Variants in LHX5 observed in about 807,000 individuals in gnomAD.
LHX5 encodes the protein LIM homeobox 5.
In LHX5, 5 loss-of-function variants were observed where a neutral mutation model predicts 30.6. The observed-to-expected ratio is 0.16, with a 90% CI of 0.09 to 0.34. LHX5 has a LOEUF of 0.34. Among genes scored for constraint, LHX5 ranks in the 10% least tolerant of loss-of-function variants. The pLI is 1.00. For missense variants in LHX5, 458 were observed against 570.6 expected, an observed-to-expected ratio of 0.80 and a Z score of 2.01; for synonymous variants, 266 against 252.6, an observed-to-expected ratio of 1.05 and a Z score of -0.50.
Position 113,471,591 on chromosome 12 carries a change from G to A in LHX5, c.-93C>T, listed in dbSNP as rs1958252408. 4.8e-6 allele frequency: 6 copies of A among 1,241,494 alleles called. No homozygotes were observed. The highest frequency in any genetic ancestry group is 1.5e-5 in the African/African-American group (1 of 65,986). The allele number at this position is 1,241,494 out of a possible 1,614,324, so 76.9% of individuals were successfully genotyped here. Reference sequence around the variant, plus strand: ...GGCCCTCCGCTGCCCTTCGCCTCTTGTCTCAGCAGCTGCAGGGCGAGTCTG... The same window carrying A: ...GGCCCTCCGCTGCCCTTCGCCTCTTATCTCAGCAGCTGCAGGGCGAGTCTG... On this transcript the variant is annotated 5_prime_UTR_variant, in exon 1 of 5. Coordinates refer to ENST00000261731, the MANE Select transcript of LHX5 (RefSeq NM_022363.3).
At position 113,463,436 on chromosome 12, in the gene LHX5, C is replaced by T. The variant is rs1275367832; in HGVS notation, c.963G>A (p.Thr321=). The change falls in exon 5 of 5, where the codon ACG becomes ACA. Residue 321 remains threonine (T), a synonymous_variant. Transcript: ENST00000261731. This position sits in a 1 kb window ranked among gnomAD's most constrained non-coding sequence, Gnocchi z 6.7. ...GCGGCGGTTCCAGCGCTCCCAGCGG[C>T]GTCGAGCCGGGGCCAGAGGCCGCCA... ...SFLAASGPGS[T]PLGALEPPLA... 3.2e-6 allele frequency: 5 copies of T among 1,553,950 alleles called. No homozygotes were observed. Among genetic ancestry groups the T allele is most frequent in the African/African-American group, 2.7e-5 (2 of 73,320 alleles).
In LHX5 at chr12:113,466,719, G is replaced by T. The variant is rs1958217191; in HGVS notation, c.841+537C>A. 6.6e-6 allele frequency among the ~76,000 whole-genome samples: 1 copy of T among 152,180 alleles called. No homozygotes were observed. Among genetic ancestry groups the T allele is most frequent in the African/African-American group, 2.4e-5 (1 of 41,434 alleles). The stretch of plus-strand genomic sequence containing the variant: ...GAGCAGGCGGCTTGGAATGAATCCA[G>T]ACCCCCATCCCCTCCCCTCACACTA... On this transcript the variant is annotated intron_variant, in intron 4 of 4. Transcript: ENST00000261731. The surrounding 1 kb of genome is among the most constrained non-coding windows in gnomAD (Gnocchi z 6.5).
In LHX5 at chr12:113,471,563, C is replaced by A. The variant is rs1958252097; in HGVS notation, c.-65G>T. The A allele has an allele frequency of 4.2e-6, 6 of 1,443,514 alleles. 1 individual carries two copies. In the South Asian group the frequency reaches 7.8e-5, roughly 19 times the overall value. 89.4% of individuals were successfully genotyped at this position (1,443,514 alleles called of 1,614,324 possible). A position where few individuals can be genotyped will look rare whatever the true frequency, so the allele number is the denominator to read the frequency against. ...TTTGGGCCCCTGGCCCTCGGGCCTG[C>A]CGGGCCCTCCGCTGCCCTTCGCCTC... On this transcript the variant is annotated 5_prime_UTR_variant, in exon 1 of 5. Transcript: ENST00000261731.
At position 113,463,294 on chromosome 12, in the gene LHX5, A is replaced by C. The variant is rs1958188738; in HGVS notation, c.1105T>G (p.Phe369Val). Reference protein sequence around the residue: ...GTLHPMPGEVFSGGPSPPFPM... With the variant: ...GTLHPMPGEVVSGGPSPPFPM... ...AAGGGCGGGCTGGGCCCGCCGCTGA[A>C]TACCTCGCCGGGCATGGGGTGCAGC... Residue 369 changes from phenylalanine to valine, a missense_variant, in exon 5 of 5, where the codon TTC (phenylalanine) becomes GTC (valine). Physicochemically the swap from Phe to Val is conservative, Grantham distance 50 (BLOSUM62 -1). This residue lies in a region of LHX5 where 255 missense variants were observed against 246.8 expected (regional missense o/e 1.03). Transcript: ENST00000261731. The surrounding 1 kb of genome is among the most constrained non-coding windows in gnomAD (Gnocchi z 6.7). 1 of 1,529,250 alleles carries C rather than the reference A, an allele frequency of 6.5e-7. No homozygotes were observed. Among genetic ancestry groups the C allele is most frequent in the African/African-American group, 1.4e-5 (1 of 69,810 alleles). The allele number at this position is 1,529,250 out of a possible 1,614,324, so 94.7% of individuals were successfully genotyped here.
rs1451259347 is a variant in LHX5 at position 113,463,415 on chromosome 12, C to A, written c.984G>T (p.Pro328=). The A allele has an allele frequency of 3.2e-6, 5 of 1,553,504 alleles. No homozygotes were observed. The highest frequency in any genetic ancestry group is 3.5e-6 in the Non-Finnish European group (4 of 1,151,316). ...CCGCGGCGTGCGGGCCGGCGAGCGG[C>A]GGTTCCAGCGCTCCCAGCGGCGTCG... ...PGSTPLGALE[P]PLAGPHAADN... is the part of the protein sequence containing the mutation. The change falls in exon 5 of 5, where the codon CCG becomes CCT. Residue 328 remains proline, a synonymous_variant. Transcript: ENST00000261731. This position sits in a 1 kb window ranked among gnomAD's most constrained non-coding sequence, Gnocchi z 6.7.
At chr12:113,468,556 T>A in intron 2 of LHX5, 152 bp from the exon 3 acceptor site, 1 of 991,156 alleles carries the variant, frequency 1.0e-6, no homozygotes, top group Non-Finnish European at 1.4e-6. Context: ...CGACAGCCCC[T>A]CCCCCAGGGA....
Position 113,469,238 on chromosome 12 carries a change from A to C in LHX5, c.281T>G (p.Val94Gly). ...VFHLNCFTCM[V>G]CNKQLSTGEE... ...GCCGGTGGACAGCTGCTTGTTACAC[A>C]CCATGCAGGTGAAACAGTTGAGGTG... Residue 94 changes from valine to glycine, a missense_variant, in exon 2 of 5, where the codon GTG becomes GGG. Physicochemically the swap from Val to Gly is moderately radical, Grantham distance 109. Around this residue, in one of 3 missense-constraint regions of LHX5, gnomAD observed 178 missense variants for 238.5 expected, o/e 0.75. Transcript: ENST00000261731. 1.2e-6 allele frequency: 2 copies of C among 1,614,202 alleles called. No homozygotes were observed. Among genetic ancestry groups the C allele is most frequent in the African/African-American group, 2.7e-5 (2 of 75,062 alleles).
In LHX5 at chr12:113,464,109, A is replaced by C. The variant is rs1958196801; in HGVS notation, c.842-552T>G. The stretch of plus-strand genomic sequence containing the variant: ...ACATCGGAGGGTCGCGGAGGAGTCG[A>C]GGAGACGCAGAGAGAGGAAAGACGG... On this transcript the variant is annotated intron_variant, in intron 4 of 4. Transcript: ENST00000261731. The surrounding 1 kb of genome is among the most constrained non-coding windows in gnomAD (Gnocchi z 6.2). Among the ~76,000 whole-genome samples, 1 of 152,190 alleles carries C rather than the reference A, an allele frequency of 6.6e-6. No individual in the cohort carries two copies. The highest frequency in any genetic ancestry group is 2.1e-4 in the South Asian group (1 of 4,828).
In LHX5 at chr12:113,464,191, T is replaced by C. The variant is rs1173731224; in HGVS notation, c.842-634A>G. 1.3e-5 allele frequency among the ~76,000 whole-genome samples: 2 copies of C among 150,428 alleles called. No homozygotes were observed. Among genetic ancestry groups the C allele is most frequent in the Non-Finnish European group, 3.0e-5 (2 of 67,608 alleles). ...GGGGCGGCAGCGAGGGAGTCAGGAG[T>C]GAGCCCGAAGATGGAGAGAAGTCGA... On this transcript the variant is annotated intron_variant, in intron 4 of 4. Coordinates refer to ENST00000261731, the MANE Select transcript of LHX5 (RefSeq NM_022363.3). The surrounding 1 kb of genome is among the most constrained non-coding windows in gnomAD (Gnocchi z 6.2).
Position 113,466,866 on chromosome 12 carries a change from C to T in LHX5, c.841+390G>A, listed in dbSNP as rs965716506. On this transcript the variant is annotated intron_variant, in intron 4 of 4. Transcript: ENST00000261731. This position sits in a 1 kb window ranked among gnomAD's most constrained non-coding sequence, Gnocchi z 6.5. ...TTTGCCAGTACTGGCCTCAGTGTGA[C>T]TGGTGGGAGTGTGCGCGTCTGTGGA... is the stretch of plus-strand genomic sequence containing the variant. Among the ~76,000 whole-genome samples the T allele has an allele frequency of 6.6e-6, 1 of 152,124 alleles. No individual in the cohort carries two copies. The highest frequency in any genetic ancestry group is 1.5e-5 in the Non-Finnish European group (1 of 68,016).
In LHX5 at chr12:113,465,228, TC is replaced by T; in HGVS notation, c.842-1672del. 6.6e-6 allele frequency among the ~76,000 whole-genome samples: 1 copy of T among 152,276 alleles called. No individual in the cohort carries two copies. The highest frequency in any genetic ancestry group is 2.1e-4 in the South Asian group (1 of 4,832). ...CTTTTTAAAACCATTAATTTAATTC[TC>T]CCCGAAAGTGAAGGGGAAGATGGGG... On this transcript the variant is annotated intron_variant, in intron 4 of 4. Coordinates refer to ENST00000261731, the MANE Select transcript of LHX5 (RefSeq NM_022363.3). The surrounding 1 kb of genome is among the most constrained non-coding windows in gnomAD (Gnocchi z 6.7).
Position 113,466,924 on chromosome 12 carries a change from A to G in LHX5, c.841+332T>C, listed in dbSNP as rs1349696963. On this transcript the variant is annotated intron_variant, in intron 4 of 4. Transcript: ENST00000261731. The surrounding 1 kb of genome is among the most constrained non-coding windows in gnomAD (Gnocchi z 6.5). ...CTCCGTGAGTGTACCTGTGTGTGAG[A>G]GGGTGGAATTTACCTATACGTGATC... Among the ~76,000 whole-genome samples, 2 of 151,790 alleles carry G rather than the reference A, an allele frequency of 1.3e-5. No homozygotes were observed. The highest frequency in any genetic ancestry group is 2.9e-5 in the Non-Finnish European group (2 of 67,966).
chr12:113,468,647 G>C (rs1328888468), intron 2 of LHX5, among the ~76,000 whole-genome samples: 1 of 152,230 alleles, frequency 6.6e-6, no homozygotes, highest in South Asian at 2.1e-4. Flanking sequence ...GTCTCAGCTA[G>C]TACCTGGGTA....
chr12:113,463,648 G>C lies in LHX5; in HGVS notation c.842-91C>G. 1 of 1,352,532 alleles carries C rather than the reference G, an allele frequency of 7.4e-7. No homozygotes were observed. The highest frequency in any genetic ancestry group is 9.8e-7 in the Non-Finnish European group (1 of 1,022,322). 83.8% of individuals were successfully genotyped at this position (1,352,532 alleles called of 1,614,324 possible). ...GGACCCGGGGAGGGGACCCGGGCGG[G>C]CGAGAGAGGGGAGCGCGCGACACCG... On this transcript the variant is annotated intron_variant, in intron 4 of 4. Coordinates refer to ENST00000261731, the MANE Select transcript of LHX5 (RefSeq NM_022363.3). The surrounding 1 kb of genome is among the most constrained non-coding windows in gnomAD (Gnocchi z 6.7).
At position 113,469,215 on chromosome 12, in the gene LHX5, C is replaced by T; in HGVS notation, c.304G>A (p.Gly102Ser). The change falls in exon 2 of 5, where the codon GGC becomes AGC. Residue 102 changes from glycine to serine, a missense_variant. Physicochemically the swap from Gly to Ser is moderately conservative, Grantham distance 56. Transcript: ENST00000261731. ...TCGTCGATGACGTAGAGCTCCTCGC[C>T]GGTGGACAGCTGCTTGTTACACACC... Reference protein sequence around the residue: ...CMVCNKQLSTGEELYVIDENK... With the variant: ...CMVCNKQLSTSEELYVIDENK... 6.2e-7 allele frequency: 1 copy of T among 1,614,260 alleles called. No individual in the cohort carries two copies. The highest frequency in any genetic ancestry group is 8.5e-7 in the Non-Finnish European group (1 of 1,180,048).
In LHX5 at chr12:113,462,932, C is replaced by T. The variant is rs1958183844; in HGVS notation, c.*258G>A. 2 of 411,012 alleles carry T rather than the reference C, an allele frequency of 4.9e-6. No homozygotes were observed. The highest frequency in any genetic ancestry group is 3.1e-5 in the South Asian group (1 of 32,122). The allele number at this position is 411,012 out of a possible 1,614,324, so 25.5% of individuals were successfully genotyped here. On this transcript the variant is annotated 3_prime_UTR_variant, in exon 5 of 5. Coordinates refer to ENST00000261731, the MANE Select transcript of LHX5 (RefSeq NM_022363.3). ...GACCCTCCGGAGTATTGACTTTGGT[C>T]CCAAGAAATTGCTCGCGGTTGCTGG...
chr12:113,468,504 C>T, intron 2 of LHX5, 100 bp from the exon 3 acceptor site: 1 of 1,394,716 alleles, frequency 7.2e-7, no homozygotes, highest in Non-Finnish European at 9.6e-7. Context: ...CTACGGCCTG[C>T]CCAGGCTACG....
rs905756486 is a variant in LHX5 at position 113,467,324 on chromosome 12, A to G, written c.773T>C (p.Met258Thr). The G allele has an allele frequency of 6.3e-6, 10 of 1,577,960 alleles. 1 individual carries two copies. The highest frequency in any genetic ancestry group is 3.5e-5 in the South Asian group (3 of 86,728). Residue 258 changes from methionine (M) to threonine (T), a missense_variant, in exon 4 of 5, where the codon ATG becomes ACG. Transcript: ENST00000261731. The surrounding 1 kb of genome is among the most constrained non-coding windows in gnomAD (Gnocchi z 6.3). Reference sequence around the variant, plus strand: ...GTCCAAGCGGCCGCCCAGCGGACGCATGCGCCGCGGACTCCGGAAGAAGGC... The same window carrying G: ...GTCCAAGCGGCCGCCCAGCGGACGCGTGCGCCGCGGACTCCGGAAGAAGGC... Reference protein sequence around the residue: ...RHAFFRSPRRMRPLGGRLDES... With the variant: ...RHAFFRSPRRTRPLGGRLDES...
Position 113,467,446 on chromosome 12 carries a change from A to C in LHX5, c.676-25T>G. ...CCTGGGACAGAGGAGGGGGCTGTGA[A>C]CCCAGGATCAGGAGTGTCCTCTCCC... On this transcript the variant is annotated intron_variant, in intron 3 of 4. Transcript: ENST00000261731. The surrounding 1 kb of genome is among the most constrained non-coding windows in gnomAD (Gnocchi z 6.3). 1 of 1,482,412 alleles carries C rather than the reference A, an allele frequency of 6.7e-7. No homozygotes were observed. The highest frequency in any genetic ancestry group is 9.0e-7 in the Non-Finnish European group (1 of 1,105,794). The allele number at this position is 1,482,412 out of a possible 1,614,324, so 91.8% of individuals were successfully genotyped here.
Sources: gnomAD v4.1 joint callset for allele counts (sites outside exome capture counted in the v4.1 genomes callset) on GRCh38, gnomAD v4.1.1 for gene constraint, gnomAD v4.1.1 regional missense constraint, Gnocchi (gnomAD v3.1) non-coding constraint, MANE v1.5 for transcripts, NCBI Gene and HGNC (gene_info 2026-07-23, HGNC 2026-07-21) for gene names.